WDR88: variants seen among roughly 807,000 people sequenced by gnomAD.
WDR88 encodes the protein WD repeat domain 88, also known as WD repeat-containing protein 88.
Under a neutral mutation model 46.8 loss-of-function variants are expected in WDR88, and 40 were observed. The ratio of observed to expected loss-of-function variants is 0.86; its 90% CI spans 0.66 to 1.11. The LOEUF (loss-of-function observed/expected upper bound fraction) is 1.11. WDR88 is among the 50% of genes most tolerant of loss of function. The probability of loss-of-function intolerance (pLI) is 0.00; values close to 1 mark genes in which losing one functional copy is unlikely to be tolerated. For synonymous variants in WDR88, 235 were observed against 240.7 expected, an observed-to-expected ratio of 0.98 and a Z score of 0.22; for missense variants, 562 against 602.4, an observed-to-expected ratio of 0.93 and a Z score of 0.70.
chr19:33,173,234 C>A (rs1450063775), intron 10 of WDR88, among the ~76,000 whole-genome samples: 2 of 152,032 alleles, frequency 1.3e-5, no homozygotes, highest in Admixed American at 1.3e-4. Flanking sequence ...GGGATGAGAC[C>A]TGCAGGAGCA....
intron 3 of WDR88, among the ~76,000 whole-genome samples, chr19:33,145,284 G>T (rs1343654826): frequency 3.3e-5 from 5 of 151,064 alleles, no homozygotes; most frequent in African/African-American, 9.7e-5. Flanking sequence ...CTCCTGAGTA[G>T]CTGGGATTAC....
chr19:33,167,013 T>C (rs924163509), intron 9 of WDR88, among the ~76,000 whole-genome samples: 1 of 152,156 alleles, frequency 6.6e-6, no homozygotes, highest in Non-Finnish European at 1.5e-5. Flanking sequence ...AAAATAGGAT[T>C]GATTAAATAC....
rs1973303081 is a variant in WDR88, at chr19:33,137,712, T to C, written c.312T>C (p.Ala104=). 2 of 1,613,960 alleles carry C rather than the reference T, an allele frequency of 1.2e-6. No homozygotes were observed. The highest frequency in any genetic ancestry group is 2.7e-5 in the African/African-American group (2 of 74,936). The change falls in exon 2 of 11, where the codon GCT becomes GCC. Residue 104 remains alanine, a synonymous_variant. Transcript: ENST00000355868. ...AAATTCTGAGTGGGCACGAGCACGCTGTGAGCACCTGCCACTTCTGTGTGG... is the reference window on the plus strand; with the variant it reads ...AAATTCTGAGTGGGCACGAGCACGCCGTGAGCACCTGCCACTTCTGTGTGG... ...PFKILSGHEH[A]VSTCHFCVDD... is the part of the protein sequence containing the mutation.
chr19:33,134,840 A>ACCCCCCCCCCCCCC (rs766617576), intron 1 of WDR88, among the ~76,000 whole-genome samples: 18 of 62,408 alleles, frequency 2.9e-4, no homozygotes, highest in African/African-American at 4.9e-4. Context: ...CGTCCCCGAC[A>ACCCCCCCCCCCCCC]CCCCCCCCCC....
Position 33,132,236 on chromosome 19 carries a change from G to C in WDR88, c.67G>C (p.Ala23Pro), listed in dbSNP as rs1337049568. Residue 23 changes from alanine (A) to proline (P), a missense_variant, in exon 1 of 11, where the codon GCC becomes CCC. Coordinates refer to ENST00000355868, the MANE Select transcript of WDR88 (RefSeq NM_173479.4). ...GGAATGCAAGTTGCCGCCACCCTCC[G>C]CCCCCGCCAGCGAGTATTGTCCCGG... ...DRECKLPPPSAPASEYCPGKL... is the reference protein window; with the variant it reads ...DRECKLPPPSPPASEYCPGKL... 2 of 1,611,070 alleles carry C rather than the reference G, an allele frequency of 1.2e-6. No homozygotes were observed. Among genetic ancestry groups the C allele is most frequent in the Admixed American group, 3.3e-5 (2 of 60,014 alleles).
intron 2 of WDR88, among the ~76,000 whole-genome samples, chr19:33,138,364 T>C (rs1430172165): frequency 3.3e-5 from 5 of 151,952 alleles, no homozygotes; most frequent in Non-Finnish European, 7.4e-5. Context: ...TTTGTTTGTT[T>C]GTTTGTTTTT....
intron 2 of WDR88, among the ~76,000 whole-genome samples, chr19:33,141,471 C>A (rs1017857859): frequency 6.6e-6 from 1 of 152,092 alleles, no homozygotes; most frequent in African/African-American, 2.4e-5. Flanking sequence ...CTCAAGCCGT[C>A]CTTCCTCCTT....
In WDR88 at chr19:33,147,709, G is replaced by T; in HGVS notation, c.540+1G>T. 6.2e-7 allele frequency: 1 copy of T among 1,613,862 alleles called. No homozygotes were observed. The highest frequency in any genetic ancestry group is 1.1e-5 in the South Asian group (1 of 91,060). On this transcript the variant is annotated splice_donor_variant, in intron 4 of 10. Coordinates refer to ENST00000355868, the MANE Select transcript of WDR88 (RefSeq NM_173479.4). LOFTEE classifies it high-confidence loss of function. Reference sequence around the variant, plus strand: ...GGACCTGGAGACAGGCAAGCTGCTGGTACGTATGCCTGTCCAGTGGGGGCG... The same window carrying T: ...GGACCTGGAGACAGGCAAGCTGCTGTTACGTATGCCTGTCCAGTGGGGGCG...
At chr19:33,168,041 T>G (rs1164437263) in intron 9 of WDR88, among the ~76,000 whole-genome samples, 1 of 146,506 alleles carries the variant, frequency 6.8e-6, no homozygotes, top group Non-Finnish European at 1.5e-5. Context: ...TCTTTTTTTT[T>G]TTTTGAGATG....
At chr19:33,155,165 G>C (rs1488260105) in intron 6 of WDR88, among the ~76,000 whole-genome samples, 1 of 152,154 alleles carries the variant, frequency 6.6e-6, no homozygotes, top group South Asian at 2.1e-4. Context: ...TTCTGAGATA[G>C]AGTCTTGCAC....
At position 33,172,341 on chromosome 19, in the gene WDR88, G is replaced by A; in HGVS notation, c.1150-7G>A. ...TTTTGTGACCGCTGGTTTGCTATTT[G>A]TTTTAGGATAGGACCATGAGACTGT... is the stretch of plus-strand genomic sequence containing the variant. On this transcript the variant is annotated splice_polypyrimidine_tract_variant and splice_region_variant and intron_variant, in intron 9 of 10. Transcript: ENST00000355868. 1 of 1,610,630 alleles carries A rather than the reference G, an allele frequency of 6.2e-7. No homozygotes were observed. The highest frequency in any genetic ancestry group is 8.5e-7 in the Non-Finnish European group (1 of 1,178,312).
intron 7 of WDR88, among the ~76,000 whole-genome samples, chr19:33,159,774 C>T (rs561065319): frequency 2.4e-4 from 36 of 152,160 alleles, no homozygotes; most frequent in African/African-American, 7.0e-4. Flanking sequence ...AGGATGGTTT[C>T]GGGATGACCC....
At chr19:33,171,681 AAGGTCC>A (rs1400572964) in intron 9 of WDR88, among the ~76,000 whole-genome samples, 1 of 142,332 alleles carries the variant, frequency 7.0e-6, no homozygotes, top group Non-Finnish European at 1.5e-5. Flanking sequence ...ATTATTAACT[AAGGTCC>A]ATGGTTTTAT....
At chr19:33,147,622 C>T (rs760632016) in intron 3 of WDR88, 23 bp from the exon 4 acceptor site, 3 of 1,611,192 alleles carry the variant, frequency 1.9e-6, no homozygotes, top group Non-Finnish European at 2.5e-6. Context: ...AACCAGTGTT[C>T]GTCATCGTCA....
intron 3 of WDR88, among the ~76,000 whole-genome samples, chr19:33,146,997 G>A (rs1449385570): frequency 6.6e-6 from 1 of 151,890 alleles, no homozygotes; most frequent in Non-Finnish European, 1.5e-5. Context: ...CAGTACTCTG[G>A]GAGGCTGAGG....
rs1973634935 is a variant in WDR88 at position 33,151,574 on chromosome 19, C to A, written c.809+264C>A. Reference sequence around the variant, plus strand: ...AAGTCCACAAAAGGTGAAGTTCCAGCATCTCCTGTAAAATGGGAAGGTCTG... The same window carrying A: ...AAGTCCACAAAAGGTGAAGTTCCAGAATCTCCTGTAAAATGGGAAGGTCTG... On this transcript the variant is annotated intron_variant, in intron 6 of 10. Transcript: ENST00000355868. Among the ~76,000 whole-genome samples the A allele has an allele frequency of 1.3e-5, 2 of 152,208 alleles. 1 individual carries two copies. The highest frequency in any genetic ancestry group is 4.1e-4 in the South Asian group (2 of 4,838).
chr19:33,169,058 T>C (rs1437579655), intron 9 of WDR88, among the ~76,000 whole-genome samples: 4 of 152,104 alleles, frequency 2.6e-5, no homozygotes, highest in Non-Finnish European at 5.9e-5. Context: ...AAGAATGAAA[T>C]TGCACCCTTA....
intron 5 of WDR88, among the ~76,000 whole-genome samples, chr19:33,149,325 A>AAACAAAC (rs1555725209): frequency 6.7e-6 from 1 of 149,914 alleles, no homozygotes; most frequent in African/African-American, 2.5e-5. Context: ...CCATCTCAAA[A>AAACAAAC]AAACAAACAA....
In WDR88 at chr19:33,175,660, C is replaced by T; in HGVS notation, c.*88C>T. 6.6e-7 allele frequency: 1 copy of T among 1,516,850 alleles called. No individual in the cohort carries two copies. Among genetic ancestry groups the T allele is most frequent in the Non-Finnish European group, 9.0e-7 (1 of 1,111,776 alleles). 94.0% of individuals were successfully genotyped at this position (1,516,850 alleles called of 1,614,324 possible). On this transcript the variant is annotated 3_prime_UTR_variant, in exon 11 of 11. Transcript: ENST00000355868. The stretch of plus-strand genomic sequence containing the variant: ...TGCAGGGGCTTTCTCTTGGGCCCCT[C>T]CCAGGCTCAGCAGGCCTGTCAGACT...
Sources: allele counts gnomAD v4.1 joint callset (sites outside exome capture counted in the v4.1 genomes callset), GRCh38; gene constraint gnomAD v4.1.1; transcripts MANE v1.5; gene names NCBI Gene and HGNC (gene_info 2026-07-23, HGNC 2026-07-21).